LMF1: variants seen among roughly 807,000 people sequenced by gnomAD.
LMF1 encodes the protein lipase maturation factor 1, also known as transmembrane protein 112.
In LMF1, 68 loss-of-function variants were observed where a neutral mutation model predicts 60.6. The observed-to-expected ratio is 1.12, with a 90% CI of 0.92 to 1.37. LMF1 has a LOEUF of 1.37. Ranked by LOEUF, LMF1 falls within the 40% of genes most tolerant of loss-of-function variation. The probability of loss-of-function intolerance (pLI) is 0.00; values close to 1 mark genes in which losing one functional copy is unlikely to be tolerated. For synonymous variants in LMF1, 418 were observed against 324.7 expected (o/e 1.29, Z -3.09); for missense variants, 948 against 767.2 (o/e 1.24, Z -2.78).
intron 2 of LMF1, among the ~76,000 whole-genome samples, chr16:945,101 C>T (rs2060492): frequency 0.47 from 71,307 of 150,322 alleles, 18,504 homozygotes; most frequent in African/African-American, 0.69. Flanking sequence ...ATCCCAGCTA[C>T]TTGGGAGGCT....
At chr16:890,298 G>A (rs1210048718) in intron 5 of LMF1, among the ~76,000 whole-genome samples, 1 of 152,244 alleles carries the variant, frequency 6.6e-6, no homozygotes, top group Non-Finnish European at 1.5e-5. Flanking sequence ...CCCCCGGGAA[G>A]CAAGAAAAGG....
chr16:911,239 G>C (rs933817426), intron 3 of LMF1, 160 bp from the exon 4 acceptor site: 1 of 851,106 alleles, frequency 1.2e-6, no homozygotes, highest in Non-Finnish European at 1.9e-6. Flanking sequence ...ACATCGACAC[G>C]CAAGGTCAGG....
At chr16:895,102 G>T (rs370169592) in intron 4 of LMF1, among the ~76,000 whole-genome samples, 10 of 152,188 alleles carry the variant, frequency 6.6e-5, no homozygotes, top group African/African-American at 2.2e-4. Context: ...CATCTGCCAC[G>T]GCGCCAGTCG....
intron 2 of LMF1, among the ~76,000 whole-genome samples, chr16:939,579 C>T (rs1203157841): frequency 1.3e-5 from 2 of 152,228 alleles, no homozygotes; most frequent in African/African-American, 2.4e-5. Context: ...CTGAGACTGC[C>T]GGCGCCAGGC....
Position 877,323 on chromosome 16 carries a change from G to A in LMF1, c.897+2247C>T, listed in dbSNP as rs562259598. ...ATGTTCACCACAAAAACTGCCTCAA[G>A]TCAAGAAGGAATGGAAACTCTGCGT... On this transcript the variant is annotated intron_variant, in intron 6 of 10. Transcript: ENST00000262301. Among the ~76,000 whole-genome samples the A allele has an allele frequency of 2.4e-4, 37 of 152,328 alleles. 1 individual carries two copies. The South Asian group carries it at 7.3e-3, about 30-fold the overall frequency.
chr16:931,574 G>C (rs2071785461), intron 3 of LMF1: 1 of 1,244,530 alleles, frequency 8.0e-7, no homozygotes, highest in African/African-American at 1.5e-5. Flanking sequence ...AGAGGTCTCA[G>C]ATCAGGAAGC....
intron 1 of LMF1, among the ~76,000 whole-genome samples, chr16:966,388 C>T (rs2072922996): frequency 6.6e-6 from 1 of 152,200 alleles, no homozygotes; most frequent in Non-Finnish European, 1.5e-5. Context: ...CTGTCCAGGA[C>T]TCGGCCCCCA....
chr16:927,766 C>T (rs138733031), intron 3 of LMF1, among the ~76,000 whole-genome samples: 154 of 152,302 alleles, frequency 1.0e-3, no homozygotes, highest in African/African-American at 3.6e-3. Context: ...CCAGTGAACC[C>T]CTCATTAAGC....
chr16:952,364 G>GA (rs2072496138), intron 2 of LMF1, among the ~76,000 whole-genome samples: 1 of 151,942 alleles, frequency 6.6e-6, no homozygotes, highest in African/African-American at 2.4e-5. Flanking sequence ...TGAGCCTGCA[G>GA]GGCCTGGGCT....
At chr16:964,469 T>G (rs1424520114) in intron 1 of LMF1, among the ~76,000 whole-genome samples, 1 of 152,208 alleles carries the variant, frequency 6.6e-6, no homozygotes, top group Admixed American at 6.5e-5. Context: ...AAGTATTTTT[T>G]CTTTAAGGGA....
In LMF1 at chr16:870,777, G is replaced by C. The variant is rs186694298; in HGVS notation, c.1184C>G (p.Thr395Ser). 3.2e-5 allele frequency: 52 copies of C among 1,612,942 alleles called. 1 individual carries two copies. Among genetic ancestry groups the C allele is most frequent in the South Asian group, 2.7e-4 (25 of 91,090 alleles). ...NLLSSRQVMN[T>S]HFNSLHIVNT... ...GACGATGTGAAGAGAGTTGAAGTGG[G>C]TGTTCATGACCTGCCTGGAGCTCAG... Residue 395 changes from threonine to serine, a missense_variant, in exon 8 of 11, where the codon ACC becomes AGC. Transcript: ENST00000262301.
intron 6 of LMF1, 105 bp downstream of exon 6, chr16:879,465 G>A (rs2070095188): frequency 6.8e-6 from 9 of 1,317,562 alleles, no homozygotes; most frequent in Admixed American, 2.2e-5. Flanking sequence ...CAAGAAAGGG[G>A]GCCTGTAATG....
chr16:931,505 C>A (rs567801145), intron 3 of LMF1: 1 of 557,988 alleles, frequency 1.8e-6, no homozygotes, highest in Non-Finnish European at 2.8e-6. Context: ...GAGGAACGCA[C>A]GCACAAACTG....
chr16:923,433 G>A lies in LMF1; in HGVS notation c.514+10811C>T, dbSNP rs73499229. 4.0e-3 allele frequency among the ~76,000 whole-genome samples: 605 copies of A among 152,218 alleles called. 5 individuals carry two copies. The highest frequency in any genetic ancestry group is 0.014 in the African/African-American group (568 of 41,524). On this transcript the variant is annotated intron_variant, in intron 3 of 10. Coordinates refer to ENST00000262301, the MANE Select transcript of LMF1 (RefSeq NM_022773.4). ...TAGTAACGGGCACCCCAGCACCCAC[G>A]TCTTGGTCTCTAAACACCTTCCCCA... is the stretch of plus-strand genomic sequence containing the variant.
intron 10 of LMF1, among the ~76,000 whole-genome samples, chr16:856,377 C>T (rs1039606417): frequency 3.9e-5 from 6 of 152,190 alleles, no homozygotes; most frequent in Non-Finnish European, 7.3e-5. Flanking sequence ...GGCTGGAATG[C>T]GGCCGTGAGG....
intron 10 of LMF1, among the ~76,000 whole-genome samples, chr16:864,461 G>A (rs1375961877): frequency 6.6e-6 from 1 of 152,090 alleles, no homozygotes; most frequent in East Asian, 1.9e-4. Flanking sequence ...ATTCAACACT[G>A]TATTACAAAA....
intron 6 of LMF1, chr16:873,261 T>A (rs1184058658): frequency 1.3e-5 from 2 of 152,418 alleles, no homozygotes; most frequent in Admixed American, 1.3e-4. Context: ...CACTGAGCCA[T>A]CTCCTCAGAG....
At chr16:899,668 C>A (rs1355616701) in intron 4 of LMF1, 1 of 152,242 alleles carries the variant, frequency 6.6e-6, no homozygotes. Context: ...TCGGCAGCAC[C>A]GCTCCACGTC....
intron 8 of LMF1, 110 bp from the exon 9 acceptor site, chr16:870,176 C>G: frequency 1.6e-6 from 2 of 1,229,082 alleles, no homozygotes; most frequent in Admixed American, 2.2e-5. Flanking sequence ...AGGGGGAGGG[C>G]TACAGCCTCC....
Sources: gnomAD v4.1 joint callset for allele counts (sites outside exome capture counted in the v4.1 genomes callset) on GRCh38, gnomAD v4.1.1 for gene constraint, MANE v1.5 for transcripts, NCBI Gene and HGNC (gene_info 2026-07-23, HGNC 2026-07-21) for gene names.